SLC9A8: variants seen among roughly 807,000 people sequenced by gnomAD.
SLC9A8 encodes the protein sodium/hydrogen exchanger 8.
SLC9A8 carries 48 observed loss-of-function variants against 66.6 expected under a neutral mutation model. The ratio of observed to expected loss-of-function variants is 0.72; its 90% CI spans 0.57 to 0.92. The LOEUF (loss-of-function observed/expected upper bound fraction) is 0.92. Among genes scored for constraint, SLC9A8 ranks in the 40% least tolerant of loss-of-function variants. The probability of loss-of-function intolerance (pLI) is 0.00; values close to 1 mark genes in which losing one functional copy is unlikely to be tolerated. For synonymous variants in SLC9A8, 274 were observed against 282.6 expected, an observed-to-expected ratio of 0.97 and a Z score of 0.31; for missense variants, 599 against 747.3, an observed-to-expected ratio of 0.80 and a Z score of 2.31.
At chr20:49,879,663 A>T (rs1694617008) in intron 12 of SLC9A8, among the ~76,000 whole-genome samples, 2 of 151,712 alleles carry the variant, frequency 1.3e-5, no homozygotes, top group South Asian at 4.2e-4. Context: ...CGTCTCTACT[A>T]AAAATACAAA....
intron 5 of SLC9A8, among the ~76,000 whole-genome samples, chr20:49,845,955 C>T (rs1453434763): frequency 1.3e-5 from 2 of 152,202 alleles, no homozygotes; most frequent in African/African-American, 2.4e-5. Flanking sequence ...CTGCCTCAGC[C>T]TCCTGAGTAG....
At chr20:49,830,916 G>T (rs2087152677) in intron 3 of SLC9A8, 1 of 896,478 alleles carries the variant, frequency 1.1e-6, no homozygotes, top group Non-Finnish European at 1.9e-6. Context: ...CTTTAAGCCT[G>T]ATTTCTACTG....
chr20:49,823,156 G>A lies in SLC9A8; in HGVS notation c.289+15G>A, dbSNP rs1363737902. The stretch of plus-strand genomic sequence containing the variant: ...TGTTTCTTTAGGTAAGTGTGTATTG[G>A]TGATTCCATAATAAAAGCAGTAACA... On this transcript the variant is annotated intron_variant, in intron 3 of 15. Coordinates refer to ENST00000361573, the MANE Select transcript of SLC9A8 (RefSeq NM_015266.3). 2 of 1,590,964 alleles carry A rather than the reference G, an allele frequency of 1.3e-6. No individual in the cohort carries two copies. The highest frequency in any genetic ancestry group is 1.7e-5 in the Admixed American group (1 of 59,088).
chr20:49,829,799 C>G (rs971584118), intron 3 of SLC9A8: 1 of 553,578 alleles, frequency 1.8e-6, no homozygotes, highest in Non-Finnish European at 3.6e-6. Context: ...AGGCCAAACT[C>G]AGGTGATGAG....
At chr20:49,815,649 G>A (rs943721704) in intron 2 of SLC9A8, among the ~76,000 whole-genome samples, 1 of 152,078 alleles carries the variant, frequency 6.6e-6, no homozygotes, top group South Asian at 2.1e-4. Flanking sequence ...GGAGGCTGAG[G>A]CACGAGAATC....
chr20:49,813,005 CAGCG>C, intron 1 of SLC9A8, 57 bp downstream of exon 1: 1 of 1,345,484 alleles, frequency 7.4e-7, no homozygotes, highest in Non-Finnish European at 9.6e-7. Flanking sequence ...CGGCGGGTGA[CAGCG>C]AGCGCCTCAG....
Position 49,883,932 on chromosome 20 carries a change from A to G in SLC9A8, c.1357A>G (p.Ile453Val). 1.2e-6 allele frequency: 2 copies of G among 1,612,426 alleles called. No individual in the cohort carries two copies. Among genetic ancestry groups the G allele is most frequent in the South Asian group, 1.1e-5 (1 of 91,076 alleles). ...GCGGCAGCTCATCGGCACCACCACC[A>G]TCGTCATCGTGCTCTTCACCATCCT... ...EKRQLIGTTT[I>V]VIVLFTILLL... The change falls in exon 14 of 16, where the codon ATC (isoleucine) becomes GTC (valine). Residue 453 changes from isoleucine to valine, a missense_variant. Ile to Val is a conservative substitution (Grantham distance 29). This residue lies in a region of SLC9A8 where 467 missense variants were observed against 626.5 expected (regional missense o/e 0.75). Coordinates refer to ENST00000361573, the MANE Select transcript of SLC9A8 (RefSeq NM_015266.3).
Position 49,837,523 on chromosome 20 carries a change from T to G in SLC9A8, c.290-2018T>G, listed in dbSNP as rs114970363. 1.4e-3 allele frequency among the ~76,000 whole-genome samples: 213 copies of G among 152,298 alleles called. 1 individual carries two copies. Among genetic ancestry groups the G allele is most frequent in the Middle Eastern group, 6.8e-3 (2 of 294 alleles). ...TTTCTCAGCCATTTGTATATCTTCT[T>G]TTCCAAAATATCTATTCAATTTTTT... On this transcript the variant is annotated intron_variant, in intron 3 of 15. Coordinates refer to ENST00000361573, the MANE Select transcript of SLC9A8 (RefSeq NM_015266.3).
chr20:49,814,931 C>A, intron 1 of SLC9A8, 77 bp from the exon 2 acceptor site: 1 of 1,209,406 alleles, frequency 8.3e-7, no homozygotes. Flanking sequence ...GACAGCTTCT[C>A]TTTCTGGTGT....
At chr20:49,854,757 T>TC (rs1249864776) in intron 7 of SLC9A8, among the ~76,000 whole-genome samples, 2 of 152,322 alleles carry the variant, frequency 1.3e-5, no homozygotes, top group Admixed American at 1.3e-4. Context: ...TCTCATACAG[T>TC]CACTGTCTGG....
At chr20:49,831,060 C>T (rs6067244) in intron 3 of SLC9A8, 1 of 710,414 alleles carries the variant, frequency 1.4e-6, no homozygotes, top group Admixed American at 1.8e-5. Flanking sequence ...AATATGTCCG[C>T]TGTGTCCTGA....
rs368315039 is a variant in SLC9A8 at position 49,817,177 on chromosome 20, C to T, written c.208+1988C>T. ...AAAAATACAAAAAATTTTAGCCAGA[C>T]GTGGTGGCGGGCACCTGTAATCTCA... On this transcript the variant is annotated intron_variant, in intron 2 of 15. Transcript: ENST00000361573. Among the ~76,000 whole-genome samples, 6 of 151,940 alleles carry T rather than the reference C, an allele frequency of 3.9e-5. No homozygotes were observed. The South Asian group carries it at 6.2e-4, about 16-fold the overall frequency.
chr20:49,881,815 A>AT (rs1295746331), intron 13 of SLC9A8, among the ~76,000 whole-genome samples: 2 of 152,122 alleles, frequency 1.3e-5, no homozygotes, highest in South Asian at 2.1e-4. Context: ...AGAAAAACTC[A>AT]TTTTTTTCCT....
At chr20:49,844,805 A>AAAT (rs918148035) in intron 4 of SLC9A8, among the ~76,000 whole-genome samples, 91 of 150,676 alleles carry the variant, frequency 6.0e-4, no homozygotes, top group African/African-American at 1.1e-3. Flanking sequence ...CTCTGTCTCA[A>AAAT]AATAATAATA....
chr20:49,837,174 C>A (rs1194015067), intron 3 of SLC9A8, among the ~76,000 whole-genome samples: 2 of 152,186 alleles, frequency 1.3e-5, no homozygotes, highest in African/African-American at 4.8e-5. Flanking sequence ...GACCTGGAAG[C>A]CCCCTCCCTG....
chr20:49,830,532 T>G, intron 3 of SLC9A8: 1 of 677,210 alleles, frequency 1.5e-6, no homozygotes, highest in Non-Finnish European at 2.6e-6. Flanking sequence ...CATAGTCACT[T>G]AGCTGGCCTG....
At chr20:49,883,774 T>C (rs2089717631) in intron 13 of SLC9A8, 72 bp from the exon 14 acceptor site, 4 of 1,308,402 alleles carry the variant, frequency 3.1e-6, no homozygotes, top group Non-Finnish European at 1.1e-6. Flanking sequence ...GCCGGCTGGA[T>C]TTCCAGGGAA....
At chr20:49,846,403 T>C (rs1183440273) in intron 5 of SLC9A8, among the ~76,000 whole-genome samples, 1 of 151,584 alleles carries the variant, frequency 6.6e-6, no homozygotes, top group Admixed American at 6.6e-5. Flanking sequence ...GATCTAATCA[T>C]GCGCTGCCCC....
intron 13 of SLC9A8, among the ~76,000 whole-genome samples, chr20:49,882,378 C>T (rs1312170406): frequency 6.6e-6 from 1 of 152,214 alleles, no homozygotes; most frequent in Non-Finnish European, 1.5e-5. Flanking sequence ...TACCTTCTGG[C>T]GAGGACCACT....
Sources: gnomAD v4.1 joint callset for allele counts (sites outside exome capture counted in the v4.1 genomes callset) on GRCh38, gnomAD v4.1.1 for gene constraint, gnomAD v4.1.1 regional missense constraint, MANE v1.5 for transcripts, NCBI Gene and HGNC (gene_info 2026-07-23, HGNC 2026-07-21) for gene names.